Variants in DTWD2 observed in about 807,000 individuals in gnomAD.
The protein encoded by DTWD2 is tRNA-uridine aminocarboxypropyltransferase 2.
A neutral mutation model predicts 31.8 loss-of-function variants in DTWD2; 39 were observed. That is an observed-to-expected ratio of 1.22 (90% confidence interval 0.95 to 1.60). The LOEUF (loss-of-function observed/expected upper bound fraction) is 1.60. Ranked by LOEUF, DTWD2 falls within the 40% of genes most tolerant of loss-of-function variation. The pLI, the probability that DTWD2 is intolerant of heterozygous loss-of-function variation, is 0.00. For synonymous variants in DTWD2, 180 were observed against 142.8 expected (o/e 1.26, Z -1.86); for missense variants, 515 against 381.5 (o/e 1.35, Z -2.92).
chr5:118,898,594 G>A (rs1431340690), intron 4 of DTWD2, among the ~76,000 whole-genome samples: 1 of 150,724 alleles, frequency 6.6e-6, no homozygotes, highest in African/African-American at 2.4e-5. Flanking sequence ...GGGAGGCGGA[G>A]GTTGCAGTGA....
chr5:118,917,004 C>T (rs930107240), intron 4 of DTWD2, among the ~76,000 whole-genome samples: 1 of 152,116 alleles, frequency 6.6e-6, no homozygotes, highest in Non-Finnish European at 1.5e-5. Flanking sequence ...AATTGAGTTT[C>T]CTCCCTTCAT....
At chr5:118,875,092 TTTCATAAC>T (rs1390488443) in intron 4 of DTWD2, among the ~76,000 whole-genome samples, 22 of 152,068 alleles carry the variant, frequency 1.4e-4, no homozygotes, top group Admixed American at 9.8e-4. Context: ...CAACCCAGAA[TTTCATAAC>T]TACCAAACTA....
intron 4 of DTWD2, among the ~76,000 whole-genome samples, chr5:118,909,899 C>T (rs936109730): frequency 1.3e-5 from 2 of 152,184 alleles, no homozygotes; most frequent in Non-Finnish European, 2.9e-5. Context: ...AATATGCCCT[C>T]CAGTCAGCCC....
chr5:118,845,636 C>T (rs977372343), intron 5 of DTWD2, among the ~76,000 whole-genome samples: 6 of 152,160 alleles, frequency 3.9e-5, no homozygotes, highest in Admixed American at 3.3e-4. Flanking sequence ...AGTACAATTA[C>T]TCCTGGCAAC....
At chr5:118,905,788 T>C (rs73239038) in intron 4 of DTWD2, among the ~76,000 whole-genome samples, 1 of 152,116 alleles carries the variant, frequency 6.6e-6, no homozygotes, top group Non-Finnish European at 1.5e-5. Context: ...CCACCCTTCA[T>C]GCATAAAAGT....
At chr5:118,890,106 T>C (rs193172845) in intron 4 of DTWD2, among the ~76,000 whole-genome samples, 59 of 152,264 alleles carry the variant, frequency 3.9e-4, no homozygotes, top group African/African-American at 1.3e-3. Context: ...CTCACAACCA[T>C]CTGTTAAGTA....
chr5:118,862,696 T>G (rs1251903834), intron 4 of DTWD2, among the ~76,000 whole-genome samples: 1 of 152,188 alleles, frequency 6.6e-6, no homozygotes, highest in Non-Finnish European at 1.5e-5. Flanking sequence ...CAACCTTCCT[T>G]GCCACCAGAA....
At chr5:118,912,247 C>T (rs1022573743) in intron 4 of DTWD2, among the ~76,000 whole-genome samples, 18 of 152,214 alleles carry the variant, frequency 1.2e-4, no homozygotes, top group Admixed American at 3.9e-4. Flanking sequence ...TAAAAATCTC[C>T]ACCTGAAGTA....
intron 1 of DTWD2, among the ~76,000 whole-genome samples, chr5:118,984,840 A>T (rs890756705): frequency 2.6e-5 from 4 of 152,232 alleles, no homozygotes; most frequent in African/African-American, 9.6e-5. Flanking sequence ...AAGATATAAA[A>T]GTATAATTAA....
intron 4 of DTWD2, among the ~76,000 whole-genome samples, chr5:118,882,418 G>C (rs946632340): frequency 4.6e-5 from 7 of 152,172 alleles, no homozygotes; most frequent in Non-Finnish European, 7.3e-5. Flanking sequence ...CTACATTCTG[G>C]GGTCTTGAGG....
At chr5:118,864,528 T>C (rs985286166) in intron 4 of DTWD2, among the ~76,000 whole-genome samples, 1 of 145,100 alleles carries the variant, frequency 6.9e-6, no homozygotes, top group African/African-American at 2.6e-5. Flanking sequence ...ACTTAGAGTA[T>C]TAAAAAAAAA....
chr5:118,904,853 A>G (rs1753292187), intron 4 of DTWD2, among the ~76,000 whole-genome samples: 1 of 152,118 alleles, frequency 6.6e-6, no homozygotes, highest in East Asian at 1.9e-4. Flanking sequence ...ATACAAACAA[A>G]GGCTTTGTGA....
In DTWD2 at chr5:118,942,594, G is replaced by A. The variant is rs572687002; in HGVS notation, c.309+1965C>T. Among the ~76,000 whole-genome samples the A allele has an allele frequency of 5.9e-5, 9 of 151,406 alleles. No homozygotes were observed. The South Asian group carries it at 1.9e-3, about 32-fold the overall frequency. ...GGAGGCTGAGGCAGGAGGATCACTC[G>A]AGGCCAGGAATTCAAGACCAGCCTG... On this transcript the variant is annotated intron_variant, in intron 2 of 5. Coordinates refer to ENST00000510708, the MANE Select transcript of DTWD2 (RefSeq NM_173666.4).
At chr5:118,988,088 G>A (rs1580460001) in intron 1 of DTWD2, 1 of 728,094 alleles carries the variant, frequency 1.4e-6, no homozygotes, top group African/African-American at 1.7e-5. Flanking sequence ...ATTGCAGGAA[G>A]TAAGGTTAGA....
At chr5:118,890,072 T>C (rs1488665397) in intron 4 of DTWD2, among the ~76,000 whole-genome samples, 1 of 152,210 alleles carries the variant, frequency 6.6e-6, no homozygotes, top group Admixed American at 6.5e-5. Flanking sequence ...TCAGAAGCCA[T>C]CTGAAGTGTT....
chr5:118,882,326 C>A (rs1410354456), intron 4 of DTWD2, among the ~76,000 whole-genome samples: 1 of 152,224 alleles, frequency 6.6e-6, no homozygotes, highest in African/African-American at 2.4e-5. Flanking sequence ...CTCTGCAGGG[C>A]ACAGTCCCTA....
intron 4 of DTWD2, among the ~76,000 whole-genome samples, chr5:118,883,416 T>A (rs1752787317): frequency 1.3e-5 from 2 of 152,240 alleles, no homozygotes; most frequent in South Asian, 4.1e-4. Flanking sequence ...ATTCCAAAGC[T>A]GCTTTCACAT....
At chr5:118,869,483 C>G (rs761684445) in intron 4 of DTWD2, among the ~76,000 whole-genome samples, 9 of 152,174 alleles carry the variant, frequency 5.9e-5, no homozygotes, top group Non-Finnish European at 8.8e-5. Context: ...CATACCCATA[C>G]TAAAACCCTC....
chr5:118,912,667 C>T (rs1199128083), intron 4 of DTWD2, among the ~76,000 whole-genome samples: 1 of 152,186 alleles, frequency 6.6e-6, no homozygotes, highest in Non-Finnish European at 1.5e-5. Context: ...GCCTTCTCTT[C>T]TCCAGGTATT....
Sources: allele counts gnomAD v4.1 joint callset (sites outside exome capture counted in the v4.1 genomes callset), GRCh38; gene constraint gnomAD v4.1.1; transcripts MANE v1.5; gene names NCBI Gene and HGNC (gene_info 2026-07-23, HGNC 2026-07-21).